Variants in CTNNA2 observed in about 807,000 individuals in gnomAD.
The protein encoded by CTNNA2 is catenin alpha 2.
Under a neutral mutation model 101.0 loss-of-function variants are expected in CTNNA2, and 42 were observed. The ratio of observed to expected loss-of-function variants is 0.42; its 90% CI spans 0.32 to 0.54. The LOEUF is 0.54. Ranked by LOEUF, CTNNA2 falls within the 20% of genes least tolerant of loss-of-function variation. The pLI, the probability that CTNNA2 is intolerant of heterozygous loss-of-function variation, is 0.14. For missense variants in CTNNA2, 871 were observed against 1,223.1 expected, an observed-to-expected ratio of 0.71 and a Z score of 4.29; for synonymous variants, 450 against 456.4, an observed-to-expected ratio of 0.99 and a Z score of 0.18.
At chr2:79,485,230 A>T (rs994803923) in intron 4 of CTNNA2, among the ~76,000 whole-genome samples, 2 of 152,192 alleles carry the variant, frequency 1.3e-5, no homozygotes, top group African/African-American at 2.4e-5. Context: ...GTAAAAAAAA[A>T]ATACAATTTT....
intron 1 of CTNNA2, among the ~76,000 whole-genome samples, chr2:79,642,157 GTAT>G (rs1239217234): frequency 6.6e-6 from 1 of 152,066 alleles, no homozygotes; most frequent in Non-Finnish European, 1.5e-5. Flanking sequence ...TTGACATTGA[GTAT>G]TATTACAGTA....
At chr2:80,408,516 C>T (rs1010551646) in intron 8 of CTNNA2, among the ~76,000 whole-genome samples, 3 of 152,118 alleles carry the variant, frequency 2.0e-5, no homozygotes, top group African/African-American at 7.2e-5. Flanking sequence ...TTACAAGCTT[C>T]CTAAAGGTCC....
At chr2:79,519,325 A>G (rs1463228052) in intron 1 of CTNNA2, among the ~76,000 whole-genome samples, 4 of 149,908 alleles carry the variant, frequency 2.7e-5, no homozygotes, top group African/African-American at 7.3e-5. Context: ...TTTTTTTATT[A>G]TATTACCTAG....
At chr2:79,691,401 A>G (rs939786329) in intron 2 of CTNNA2, among the ~76,000 whole-genome samples, 1 of 151,994 alleles carries the variant, frequency 6.6e-6, no homozygotes, top group African/African-American at 2.4e-5. Context: ...AGTTTCTGCA[A>G]AGAATGAATA....
intron 7 of CTNNA2, among the ~76,000 whole-genome samples, chr2:80,047,472 T>C (rs1696604034): frequency 6.6e-6 from 1 of 152,172 alleles, no homozygotes; most frequent in African/African-American, 2.4e-5. Flanking sequence ...TCCCTTATGA[T>C]TCCTTAGGGG....
chr2:80,490,109 C>A (rs868314053), intron 9 of CTNNA2, among the ~76,000 whole-genome samples: 1 of 152,264 alleles, frequency 6.6e-6, no homozygotes, highest in African/African-American at 2.4e-5. Flanking sequence ...CTCTCAGACT[C>A]TTGAACAGTA....
chr2:79,773,650 T>C (rs527502911), intron 3 of CTNNA2, among the ~76,000 whole-genome samples: 12 of 152,206 alleles, frequency 7.9e-5, no homozygotes, highest in Middle Eastern at 3.4e-3. Context: ...CTTAGTGATT[T>C]TGGGGGCTCA....
At chr2:80,579,966 T>C (rs1573346227) in intron 13 of CTNNA2, among the ~76,000 whole-genome samples, 3 of 152,236 alleles carry the variant, frequency 2.0e-5, no homozygotes, top group Admixed American at 6.5e-5. Flanking sequence ...GGTCCTACTG[T>C]ATGCCAAGAG....
chr2:80,248,927 A>G (rs1216042855), intron 7 of CTNNA2, among the ~76,000 whole-genome samples: 5 of 152,186 alleles, frequency 3.3e-5, no homozygotes, highest in Non-Finnish European at 4.4e-5. Flanking sequence ...AGGTGAAGGA[A>G]TATTGTTTGA....
chr2:80,280,345 G>T (rs1157479034), intron 7 of CTNNA2, among the ~76,000 whole-genome samples: 2 of 151,058 alleles, frequency 1.3e-5, no homozygotes, highest in Admixed American at 6.6e-5. Context: ...CTTCCCTGGG[G>T]ACGTCAACCC....
intron 7 of CTNNA2, among the ~76,000 whole-genome samples, chr2:79,947,135 A>T (rs1319928931): frequency 6.6e-6 from 1 of 152,230 alleles, no homozygotes; most frequent in Non-Finnish European, 1.5e-5. Flanking sequence ...GATAACTTTC[A>T]AAATTCTGGG....
intron 4 of CTNNA2, among the ~76,000 whole-genome samples, chr2:79,477,415 C>A (rs1291364241): frequency 2.6e-5 from 4 of 152,132 alleles, no homozygotes; most frequent in African/African-American, 9.7e-5. Flanking sequence ...AGGTAATCAA[C>A]CTGCCTTGGC....
chr2:79,929,709 A>G (rs1687261622), intron 7 of CTNNA2, among the ~76,000 whole-genome samples: 1 of 152,076 alleles, frequency 6.6e-6, no homozygotes, highest in Non-Finnish European at 1.5e-5. Flanking sequence ...CTACTTGTCT[A>G]GTTTTCTTTG....
At chr2:79,694,656 G>A (rs978932) in intron 2 of CTNNA2, among the ~76,000 whole-genome samples, 152,015 of 152,026 alleles carry the variant, frequency 1, 76,002 homozygotes, top group Middle Eastern at 1. Flanking sequence ...GTAATAGGCT[G>A]CTTGAGTGTT....
intron 7 of CTNNA2, among the ~76,000 whole-genome samples, chr2:80,179,339 G>T (rs1705606534): frequency 6.6e-6 from 1 of 152,116 alleles, no homozygotes; most frequent in African/African-American, 2.4e-5. Context: ...GAATGTGGTG[G>T]GAATCACCAC....
intron 1 of CTNNA2, among the ~76,000 whole-genome samples, chr2:79,630,991 C>T (rs995009011): frequency 4.6e-5 from 7 of 150,776 alleles, no homozygotes; most frequent in African/African-American, 7.5e-5. Flanking sequence ...TGAAACCCTT[C>T]GTTGTGAAGT....
At chr2:79,762,054 G>C (rs190701650) in intron 3 of CTNNA2, among the ~76,000 whole-genome samples, 5 of 152,246 alleles carry the variant, frequency 3.3e-5, no homozygotes, top group African/African-American at 2.4e-5. Flanking sequence ...GAAGGGCTTC[G>C]TCGTTAATTA....
At chr2:80,375,948 C>T (rs780897546) in intron 7 of CTNNA2, among the ~76,000 whole-genome samples, 9 of 152,070 alleles carry the variant, frequency 5.9e-5, no homozygotes, top group Non-Finnish European at 1.0e-4. Flanking sequence ...CTGACTTCCT[C>T]TAAGTACCTC....
chr2:80,636,589 C>A (rs1041788503), intron 18 of CTNNA2, among the ~76,000 whole-genome samples: 9 of 152,092 alleles, frequency 5.9e-5, no homozygotes, highest in African/African-American at 2.2e-4. Context: ...CAGGTAACAC[C>A]ATTTGGTTTT....
Sources: gnomAD v4.1 joint callset for allele counts (sites outside exome capture counted in the v4.1 genomes callset) on GRCh38, gnomAD v4.1.1 for gene constraint, MANE v1.5 for transcripts, NCBI Gene and HGNC (gene_info 2026-07-23, HGNC 2026-07-21) for gene names.